The following PSMA6 variants were observed in gnomAD, a reference collection of about 807,000 sequenced individuals.
PSMA6 encodes proteasome subunit alpha type-6.
For synonymous variants in PSMA6, 88 were observed against 97.7 expected, an observed-to-expected ratio of 0.90 and a Z score of 0.59; for missense variants, 170 against 294.8, an observed-to-expected ratio of 0.58 and a Z score of 3.10.
intron 1 of PSMA6, among the ~76,000 whole-genome samples, chr14:35,299,599 G>A (rs889349893): frequency 6.6e-6 from 1 of 152,102 alleles, no homozygotes; most frequent in African/African-American, 2.4e-5. Flanking sequence ...TGGGATTACA[G>A]GCGTGAGCCA....
intron 3 of PSMA6, chr14:35,310,346 G>C (rs952708613): frequency 5.7e-6 from 2 of 351,850 alleles, no homozygotes; most frequent in African/African-American, 4.4e-5. Context: ...AGTAGAGACA[G>C]GATTTAGCCA....
At chr14:35,287,373 ACT>A (rs1566548851) in intron 1 of PSMA6, among the ~76,000 whole-genome samples, 1 of 152,194 alleles carries the variant, frequency 6.6e-6, no homozygotes, top group Non-Finnish European at 1.5e-5. Context: ...CTCACAGGGC[ACT>A]GTGTTTCAAC....
chr14:35,293,239 C>T, intron 1 of PSMA6: 1 of 324,288 alleles, frequency 3.1e-6, no homozygotes, highest in South Asian at 2.4e-5. Context: ...TGTTTGAATG[C>T]TCCTGTAATT....
rs140248287 is a variant in PSMA6 at position 35,309,721 on chromosome 14, G to A, written c.253+726G>A. Among the ~76,000 whole-genome samples the A allele has an allele frequency of 5.2e-3, 796 of 152,246 alleles. 6 individuals are homozygous for A. Among genetic ancestry groups the A allele is most frequent in the African/African-American group, 0.018 (758 of 41,552 alleles). On this transcript the variant is annotated intron_variant, in intron 3 of 6. Coordinates refer to ENST00000261479, the MANE Select transcript of PSMA6 (RefSeq NM_002791.3). ...TGAGGCAGGAGAATTGCTTGAACTC[G>A]GGAGGCAGAGGTTGCAGTGAGCTGA...
intron 3 of PSMA6, chr14:35,310,243 G>A (rs145034551): frequency 6.8e-4 from 285 of 419,654 alleles, no homozygotes; most frequent in Non-Finnish European, 1.1e-3. Flanking sequence ...AGGCTGCTCC[G>A]CCTCCTGGGT....
chr14:35,285,866 G>A (rs551295504), intron 1 of PSMA6, among the ~76,000 whole-genome samples: 2 of 152,364 alleles, frequency 1.3e-5, no homozygotes, highest in Non-Finnish European at 2.9e-5. Flanking sequence ...TGTGTGACAC[G>A]ATAGGTAAGA....
chr14:35,297,263 T>C (rs993023575), intron 1 of PSMA6, among the ~76,000 whole-genome samples: 1 of 151,868 alleles, frequency 6.6e-6, no homozygotes, highest in South Asian at 2.1e-4. Flanking sequence ...TCACCCAGGC[T>C]GGAGTGCAGT....
In PSMA6 at chr14:35,314,397, G is replaced by A. The variant is rs2052000216; in HGVS notation, c.625G>A (p.Asp209Asn). 1.2e-6 allele frequency: 2 copies of A among 1,611,372 alleles called. No homozygotes were observed. Among genetic ancestry groups the A allele is most frequent in the Non-Finnish European group, 1.7e-6 (2 of 1,178,396 alleles). ...ATGCCTGTCTACTGTTCTATCAATT[G>A]ATTTCAAACCTTCAGAAATAGAAGT... ...ITCLSTVLSI[D>N]FKPSEIEVGV... The change falls in exon 6 of 7, where the codon GAT (aspartate) becomes AAT (asparagine). Residue 209 changes from aspartate (D) to asparagine (N), a missense_variant. Coordinates refer to ENST00000261479, the MANE Select transcript of PSMA6 (RefSeq NM_002791.3).
intron 1 of PSMA6, among the ~76,000 whole-genome samples, chr14:35,299,327 C>CTTTTTTTTTT (rs71445906): frequency 1.5e-5 from 1 of 66,004 alleles, no homozygotes; most frequent in East Asian, 4.3e-4. Context: ...TGCCCAGCCT[C>CTTTTTTTTTT]TTTTTTTTTT....
upstream of PSMA6, among the ~76,000 whole-genome samples, chr14:35,289,012 T>G (rs946048315): frequency 1.4e-4 from 22 of 152,226 alleles, no homozygotes; most frequent in African/African-American, 5.3e-4. Flanking sequence ...GTGTAGTTTA[T>G]GTGTGGCTCA....
intron 1 of PSMA6, among the ~76,000 whole-genome samples, chr14:35,286,962 T>G (rs887801065): frequency 6.6e-6 from 1 of 152,156 alleles, no homozygotes; most frequent in Non-Finnish European, 1.5e-5. Context: ...TTGCCTCATG[T>G]AAGTCACAGA....
intron 1 of PSMA6, among the ~76,000 whole-genome samples, chr14:35,303,742 T>C (rs1442698822): frequency 6.6e-6 from 1 of 152,154 alleles, no homozygotes; most frequent in Non-Finnish European, 1.5e-5. Flanking sequence ...TCATCATCCA[T>C]GGATTCAACC....
At chr14:35,295,420 T>G (rs981353025) in intron 1 of PSMA6, among the ~76,000 whole-genome samples, 8 of 151,376 alleles carry the variant, frequency 5.3e-5, no homozygotes, top group African/African-American at 1.9e-4. Flanking sequence ...CAGTGTTTGC[T>G]CCCAGGGAGT....
chr14:35,305,426 G>T (rs2051804403), intron 1 of PSMA6, among the ~76,000 whole-genome samples: 2 of 152,224 alleles, frequency 1.3e-5, no homozygotes, highest in South Asian at 4.1e-4. Flanking sequence ...GTGAGCCACT[G>T]CACCCAGCTG....
chr14:35,297,861 A>G (rs1320626501), intron 1 of PSMA6, among the ~76,000 whole-genome samples: 1 of 152,190 alleles, frequency 6.6e-6, no homozygotes, highest in Non-Finnish European at 1.5e-5. Flanking sequence ...TTTCTAGTAT[A>G]CAAATGAATC....
intron 1 of PSMA6, chr14:35,293,145 C>A: frequency 2.5e-6 from 1 of 394,642 alleles, no homozygotes; most frequent in Middle Eastern, 4.5e-4. Flanking sequence ...CTACAGAGTT[C>A]AAGACATCTT....
chr14:35,279,906 C>T (rs1359235243), intron 1 of PSMA6, among the ~76,000 whole-genome samples: 7 of 147,686 alleles, frequency 4.7e-5, no homozygotes, highest in South Asian at 2.2e-4. Context: ...GGGCGGATCA[C>T]GAGGTCAGGA....
intron 1 of PSMA6, among the ~76,000 whole-genome samples, chr14:35,299,318 G>A (rs2051662454): frequency 2.8e-5 from 1 of 36,312 alleles, no homozygotes; most frequent in African/African-American, 9.2e-5. Flanking sequence ...CCGCCGCAGT[G>A]CCCAGCCTCT....
At chr14:35,303,198 T>A (rs911675134) in intron 1 of PSMA6, among the ~76,000 whole-genome samples, 1 of 152,168 alleles carries the variant, frequency 6.6e-6, no homozygotes, top group Non-Finnish European at 1.5e-5. Context: ...TAATAGGCAG[T>A]TAATTTGGTT....
Sources: gnomAD v4.1 joint callset for allele counts (sites outside exome capture counted in the v4.1 genomes callset) on GRCh38, gnomAD v4.1.1 for gene constraint, MANE v1.5 for transcripts, NCBI Gene and HGNC (gene_info 2026-07-23, HGNC 2026-07-21) for gene names.